GRIP2: variants seen among roughly 807,000 people sequenced by gnomAD.
GRIP2 encodes the protein glutamate receptor-interacting protein 2.
In GRIP2, 58 loss-of-function variants were observed where a neutral mutation model predicts 108.3. That is an observed-to-expected ratio of 0.54 (90% confidence interval 0.43 to 0.67). The LOEUF is 0.67. Ranked by LOEUF, GRIP2 falls within the 30% of genes least tolerant of loss-of-function variation. GRIP2 has a pLI of 0.00. For synonymous variants in GRIP2, 586 were observed against 598.2 expected (o/e 0.98, Z 0.30); for missense variants, 1,278 against 1,430.6 (o/e 0.89, Z 1.72).
At chr3:14,536,124 C>T (rs1694828308) in intron 1 of GRIP2, among the ~76,000 whole-genome samples, 1 of 152,196 alleles carries the variant, frequency 6.6e-6, no homozygotes, top group South Asian at 2.1e-4. Context: ...AATTTGAAGC[C>T]TCATTCATTT....
the GRIP2 span, among the ~76,000 whole-genome samples, chr3:14,565,758 G>A: frequency 6.6e-6 from 1 of 152,162 alleles, no homozygotes; most frequent in Non-Finnish European, 1.5e-5. Flanking sequence ...CGCCCTTCAC[G>A]CGGGCAGTCT....
intron 21 of GRIP2, among the ~76,000 whole-genome samples, chr3:14,501,619 T>C (rs576982635): frequency 3.0e-4 from 45 of 152,250 alleles, no homozygotes; most frequent in Non-Finnish European, 5.7e-4. Context: ...ACATACATCA[T>C]GATTTCATTA....
chr3:14,599,207 G>T, the GRIP2 span, among the ~76,000 whole-genome samples: 1 of 152,180 alleles, frequency 6.6e-6, no homozygotes, highest in Non-Finnish European at 1.5e-5. Context: ...ATGAAAAGTT[G>T]TTTCCTTCTT....
chr3:14,514,863 A>G (rs996561156), intron 11 of GRIP2, among the ~76,000 whole-genome samples: 2 of 152,246 alleles, frequency 1.3e-5, no homozygotes, highest in African/African-American at 4.8e-5. Context: ...TACATACCAC[A>G]GTAGTCACCT....
intron 21 of GRIP2, 33 bp downstream of exon 21, chr3:14,503,533 C>T: frequency 2.0e-6 from 3 of 1,505,312 alleles, no homozygotes; most frequent in Non-Finnish European, 2.7e-6. Flanking sequence ...GCCCCGGGTG[C>T]CCCATGCAGG....
chr3:14,510,010 C>T, intron 16 of GRIP2, 46 bp from the exon 17 acceptor site: 1 of 1,374,002 alleles, frequency 7.3e-7, no homozygotes, highest in South Asian at 2.0e-5. Flanking sequence ...GAGGGGGTAC[C>T]CAGCTTCCTA....
chr3:14,512,847 G>A lies in GRIP2; in HGVS notation c.1650C>T (p.Ile550=). Residue 550 remains isoleucine, a synonymous_variant, in exon 14 of 24, where the codon ATC becomes ATT. Transcript: ENST00000621039. The surrounding 1 kb of genome is among the most constrained non-coding windows in gnomAD (Gnocchi z 5.1). The part of the protein sequence containing the change: ...EVEFDVAESV[I]PSSGTFHVKL... ...TCACGTGGAAGGTGCCACTGCTTGG[G>A]ATGACGGACTCTGGGGGTAGATGGA... 2 of 1,613,744 alleles carry A rather than the reference G, an allele frequency of 1.2e-6. No individual in the cohort carries two copies. The highest frequency in any genetic ancestry group is 1.1e-5 in the South Asian group (1 of 91,074).
intron 21 of GRIP2, 69 bp downstream of exon 21, chr3:14,503,497 C>T: frequency 9.4e-7 from 1 of 1,066,850 alleles, no homozygotes; most frequent in South Asian, 1.4e-5. Flanking sequence ...TGCCTTCCTC[C>T]CATTGCACAC....
At position 14,505,845 on chromosome 3, in the gene GRIP2, C is replaced by A; in HGVS notation, c.2399-56G>T. Reference sequence around the variant, plus strand: ...CTGCGGCCTCACCTTGCCCTCCTGCCTGCCCCATTTCCAGCTGTGCTGAGT... The same window carrying A: ...CTGCGGCCTCACCTTGCCCTCCTGCATGCCCCATTTCCAGCTGTGCTGAGT... On this transcript the variant is annotated intron_variant, in intron 19 of 23. Transcript: ENST00000621039. This position sits in a 1 kb window ranked among gnomAD's most constrained non-coding sequence, Gnocchi z 4.2. 1.4e-6 allele frequency: 2 copies of A among 1,443,236 alleles called. No homozygotes were observed. The highest frequency in any genetic ancestry group is 1.5e-5 in the South Asian group (1 of 68,536). The allele number at this position is 1,443,236 out of a possible 1,614,324, so 89.4% of individuals were successfully genotyped here. A position where few individuals can be genotyped will look rare whatever the true frequency, so the allele number is the denominator to read the frequency against.
At chr3:14,590,801 G>C in the GRIP2 span, among the ~76,000 whole-genome samples, 1 of 152,250 alleles carries the variant, frequency 6.6e-6, no homozygotes, top group Non-Finnish European at 1.5e-5. Context: ...GGGCTGGGTG[G>C]AGAGTACCAC....
At position 14,513,749 on chromosome 3, in the gene GRIP2, C is replaced by G. The variant is rs1201779193; in HGVS notation, c.1555G>C (p.Gly519Arg). The change falls in exon 13 of 24, where the codon GGG becomes CGG. Residue 519 changes from glycine (G) to arginine (R), a missense_variant. Transcript: ENST00000621039. ...AGCTGGTTGGCTTCCTCCATAGTCC[C>G]GTCCTCGGTGGCAATGCCATTGATG... ...LSINGIATED[G>R]TMEEANQLLR... is the part of the protein sequence containing the mutation. 1 of 1,611,516 alleles carries G rather than the reference C, an allele frequency of 6.2e-7. No homozygotes were observed. The highest frequency in any genetic ancestry group is 1.1e-5 in the South Asian group (1 of 90,286).
chr3:14,543,698 A>G (rs954842184), upstream of GRIP2, among the ~76,000 whole-genome samples: 16 of 152,202 alleles, frequency 1.1e-4, no homozygotes, highest in African/African-American at 3.4e-4. Flanking sequence ...TGAGGACAGC[A>G]TCTGACTGCC....
intron 9 of GRIP2, 67 bp downstream of exon 9, chr3:14,520,043 G>T (rs906513616): frequency 1.4e-6 from 2 of 1,444,372 alleles, no homozygotes; most frequent in East Asian, 4.9e-5. Context: ...CCAGGGCTCT[G>T]GTCCCAGGCC....
Position 14,505,568 on chromosome 3 carries a change from C to G in GRIP2, c.2573+47G>C, listed in dbSNP as rs373658034. 7.6e-5 allele frequency: 120 copies of G among 1,579,670 alleles called. No individual in the cohort carries two copies. The African/African-American group carries it at 1.4e-3, about 19-fold the overall frequency. On this transcript the variant is annotated intron_variant, in intron 20 of 23. Coordinates refer to ENST00000621039, the MANE Select transcript of GRIP2 (RefSeq NM_001080423.4). This position sits in a 1 kb window ranked among gnomAD's most constrained non-coding sequence, Gnocchi z 4.2. ...CACAGGCACCCTCGCCCACCCCAGCCAAGACACTGTGACTCCCTCCTCCTT... is the reference window on the plus strand; with the variant it reads ...CACAGGCACCCTCGCCCACCCCAGCGAAGACACTGTGACTCCCTCCTCCTT...
intron 1 of GRIP2, among the ~76,000 whole-genome samples, chr3:14,539,444 G>A (rs923512278): frequency 6.6e-6 from 1 of 152,146 alleles, no homozygotes; most frequent in African/African-American, 2.4e-5. Context: ...TCATCGGGGT[G>A]TCAATCCCAG....
the GRIP2 span, among the ~76,000 whole-genome samples, chr3:14,583,097 T>C: frequency 1.3e-5 from 2 of 152,192 alleles, no homozygotes; most frequent in African/African-American, 4.8e-5. Context: ...TCTCACTCCA[T>C]AGGTTGTCAT....
chr3:14,503,829 G>C, intron 20 of GRIP2, 158 bp from the exon 21 acceptor site: 1 of 605,362 alleles, frequency 1.7e-6, no homozygotes, highest in South Asian at 2.0e-5. Flanking sequence ...GCAGTTCTGG[G>C]GCCCCGGGGC....
rs985206341 is a variant in GRIP2, at chr3:14,514,446, C to T, written c.1339G>A (p.Gly447Arg). 28 of 1,577,458 alleles carry T rather than the reference C, an allele frequency of 1.8e-5. No homozygotes were observed. Among genetic ancestry groups the T allele is most frequent in the Non-Finnish European group, 2.1e-5 (25 of 1,163,282 alleles). The change falls in exon 12 of 24, where the codon GGG (glycine) becomes AGG (arginine). Residue 447 changes from glycine (G) to arginine (R), a missense_variant. Gly to Arg is a moderately radical substitution (Grantham distance 125). Transcript: ENST00000621039. ...GTGGTCTCCGTGTGCACAATCTGCC[C>T]GCCCGGCCCCACCGTGCTGGAGGCT... Reference protein sequence around the residue: ...SLASSTVGPGGQIVHTETTEV... With the variant: ...SLASSTVGPGRQIVHTETTEV...
chr3:14,544,110 C>T (rs941889193), upstream of GRIP2, among the ~76,000 whole-genome samples: 3 of 152,244 alleles, frequency 2.0e-5, no homozygotes, highest in African/African-American at 7.2e-5. Flanking sequence ...AGCTCCACCA[C>T]CCACAAGCTG....
Sources: gnomAD v4.1 joint callset for allele counts (sites outside exome capture counted in the v4.1 genomes callset) on GRCh38, gnomAD v4.1.1 for gene constraint, Gnocchi (gnomAD v3.1) non-coding constraint, MANE v1.5 for transcripts, NCBI Gene and HGNC (gene_info 2026-07-23, HGNC 2026-07-21) for gene names.